The following IKZF4 variants were observed in gnomAD, a reference collection of about 807,000 sequenced individuals.
The protein encoded by IKZF4 is IKAROS family zinc finger 4.
Under a neutral mutation model 47.7 loss-of-function variants are expected in IKZF4, and 11 were observed. The ratio of observed to expected loss-of-function variants is 0.23; its 90% CI spans 0.15 to 0.38. The LOEUF (loss-of-function observed/expected upper bound fraction) is 0.38. Ranked by LOEUF, IKZF4 falls within the 10% of genes least tolerant of loss-of-function variation. The probability of loss-of-function intolerance (pLI) is 1.00; values close to 1 mark genes in which losing one functional copy is unlikely to be tolerated. For missense variants in IKZF4, 557 were observed against 784.9 expected, an observed-to-expected ratio of 0.71 and a Z score of 3.47; for synonymous variants, 298 against 299.4, an observed-to-expected ratio of 1.00 and a Z score of 0.05.
upstream of IKZF4, chr12:56,018,259 G>GGC (rs1423650869): frequency 5.8e-6 from 6 of 1,038,250 alleles, no homozygotes; most frequent in Admixed American, 7.0e-5. Context: ...CTTCAGCCTA[G>GGC]GCACACAGCC....
intron 5 of IKZF4, among the ~76,000 whole-genome samples, chr12:56,028,319 A>G (rs945664183): frequency 6.6e-6 from 1 of 151,448 alleles, no homozygotes; most frequent in Non-Finnish European, 1.5e-5. Context: ...AGGTCAGGAG[A>G]TCGAGACCAT....
Position 56,021,470 on chromosome 12 carries a change from C to G in IKZF4, c.-24C>G, listed in dbSNP as rs1892946430. The G allele has an allele frequency of 1.3e-6, 2 of 1,581,924 alleles. No individual in the cohort carries two copies. Among genetic ancestry groups the G allele is most frequent in the Non-Finnish European group, 1.7e-6 (2 of 1,165,532 alleles). ...TGGAAGGTGAGTGGCTGGGCTCACCCCTGCCTGCCACTGAGACGCAGACAT... is the reference window on the plus strand; with the variant it reads ...TGGAAGGTGAGTGGCTGGGCTCACCGCTGCCTGCCACTGAGACGCAGACAT... On this transcript the variant is annotated 5_prime_UTR_variant, in exon 1 of 8. Coordinates refer to ENST00000547167, the MANE Select transcript of IKZF4 (RefSeq NM_022465.4).
In IKZF4 at chr12:56,034,887, C is replaced by G. The variant is rs776395172; in HGVS notation, c.1314C>G (p.Pro438=). The G allele has an allele frequency of 5.0e-6, 8 of 1,608,026 alleles. No individual in the cohort carries two copies. The highest frequency in any genetic ancestry group is 1.1e-5 in the South Asian group (1 of 90,540). ...LADGGPLLYR[P]RGPLTDPGAS... is the part of the protein sequence containing the mutation. ...ATGGAGGTCCCCTCCTCTACCGGCC[C>G]CGAGGCCCCCTGACTGACCCTGGGG... Residue 438 remains proline (P), a synonymous_variant, in exon 8 of 8, where the codon CCC becomes CCG. Transcript: ENST00000547167.
upstream of IKZF4, chr12:56,020,985 C>T (rs994597852): frequency 1.9e-6 from 2 of 1,030,350 alleles, no homozygotes; most frequent in Non-Finnish European, 1.2e-6. Context: ...TTCCCTAGGG[C>T]CCCCCCTTTC....
At chr12:56,024,297 C>G (rs1043580301) in intron 2 of IKZF4, among the ~76,000 whole-genome samples, 1 of 152,134 alleles carries the variant, frequency 6.6e-6, no homozygotes, top group African/African-American at 2.4e-5. Flanking sequence ...CAAATTTTTG[C>G]TGAATTTAGA....
At chr12:56,019,679 T>A (rs1057335681), upstream of IKZF4, among the ~76,000 whole-genome samples, 8 of 152,178 alleles carry the variant, frequency 5.3e-5, no homozygotes, top group African/African-American at 1.9e-4. Context: ...TGGGGAACAC[T>A]CAGATGGATA....
At chr12:56,032,734 G>A (rs762150114) in intron 6 of IKZF4, 24 bp downstream of exon 6, 1 of 1,613,626 alleles carries the variant, frequency 6.2e-7, no homozygotes, top group East Asian at 2.2e-5. Context: ...TGTACTACTG[G>A]GGAGTTAAAA....
chr12:56,025,925 T>A (rs1332637640), intron 3 of IKZF4, among the ~76,000 whole-genome samples: 1 of 152,048 alleles, frequency 6.6e-6, no homozygotes, highest in Non-Finnish European at 1.5e-5. Flanking sequence ...ACAGAAGACA[T>A]CCTATGTACC....
intron 7 of IKZF4, among the ~76,000 whole-genome samples, chr12:56,034,025 G>A (rs1593002016): frequency 6.6e-6 from 1 of 152,016 alleles, no homozygotes; most frequent in African/African-American, 2.4e-5. Flanking sequence ...TCAGCCTCCC[G>A]AGTAGCTGGG....
chr12:56,027,925 T>C lies in IKZF4; in HGVS notation c.693T>C (p.Thr231=), dbSNP rs1436047661. 10 of 1,578,688 alleles carry C rather than the reference T, an allele frequency of 6.3e-6. No individual in the cohort carries two copies. Among genetic ancestry groups the C allele is most frequent in the Non-Finnish European group, 8.6e-6 (10 of 1,162,472 alleles). The change falls in exon 5 of 8, where the codon ACT becomes ACC. Residue 231 remains threonine (T), a synonymous_variant. Coordinates refer to ENST00000547167, the MANE Select transcript of IKZF4 (RefSeq NM_022465.4). Reference sequence around the variant, plus strand: ...CCTGCCGCCGGCGTGATGCACTCACTGGTCACCTCCGCACACACTCAGGTC... The same window carrying C: ...CCTGCCGCCGGCGTGATGCACTCACCGGTCACCTCCGCACACACTCAGGTC... ...NYACRRRDAL[T]GHLRTHSVSS... is the part of the protein sequence containing the mutation.
At chr12:56,028,828 A>G (rs1894479977) in intron 5 of IKZF4, among the ~76,000 whole-genome samples, 1 of 149,306 alleles carries the variant, frequency 6.7e-6, no homozygotes, top group Non-Finnish European at 1.5e-5. Flanking sequence ...GGCCCACCTC[A>G]GCCTCCTGAA....
At chr12:56,015,376 C>G (rs1891897095) in intron 2 of IKZF4, among the ~76,000 whole-genome samples, 1 of 152,018 alleles carries the variant, frequency 6.6e-6, no homozygotes, top group Admixed American at 6.6e-5. Context: ...CGCCCGGCTT[C>G]AAGTGGCACT....
upstream of IKZF4, among the ~76,000 whole-genome samples, chr12:56,019,139 G>A (rs1297547677): frequency 6.6e-6 from 1 of 152,126 alleles, no homozygotes; most frequent in Non-Finnish European, 1.5e-5. Flanking sequence ...CCCAGGAGGC[G>A]GAGGTTGCAG....
chr12:56,026,689 CAAAAAAAAA>C, intron 3 of IKZF4, 83 bp from the exon 4 acceptor site: 1 of 932,228 alleles, frequency 1.1e-6, no homozygotes, highest in Non-Finnish European at 1.4e-6. Flanking sequence ...AATTCCATCT[CAAAAAAAAA>C]AAAAAAAAAA....
At position 56,038,178 on chromosome 12, in the gene IKZF4, T is replaced by C. The variant is rs1030691018; in HGVS notation, c.*2847T>C. Reference sequence around the variant, plus strand: ...TCCCTCTCTCCTAGGGTTTCCTTTGTAGCCTATGTTTGGTGTCTCTTTTGA... The same window carrying C: ...TCCCTCTCTCCTAGGGTTTCCTTTGCAGCCTATGTTTGGTGTCTCTTTTGA... On this transcript the variant is annotated 3_prime_UTR_variant, in exon 8 of 8. Transcript: ENST00000547167. 3 of 152,400 alleles carry C rather than the reference T, an allele frequency of 2.0e-5. No individual in the cohort carries two copies. Among genetic ancestry groups the C allele is most frequent in the Admixed American group, 6.6e-5 (1 of 15,252 alleles). The allele number at this position is 152,400 out of a possible 1,614,324, so 9.4% of individuals were successfully genotyped here.
At chr12:56,017,518 T>G (rs188570431), upstream of IKZF4, among the ~76,000 whole-genome samples, 1 of 152,078 alleles carries the variant, frequency 6.6e-6, no homozygotes, top group Admixed American at 6.6e-5. Flanking sequence ...CTTTGCCTCC[T>G]CAGGGCTGAG....
intron 7 of IKZF4, among the ~76,000 whole-genome samples, 156 bp from the exon 8 acceptor site, chr12:56,034,415 G>T (rs1216457021): frequency 6.6e-6 from 1 of 152,148 alleles, no homozygotes; most frequent in Non-Finnish European, 1.5e-5. Context: ...CTAGAGTCAG[G>T]GAGCAGTCCC....
intron 5 of IKZF4, among the ~76,000 whole-genome samples, chr12:56,028,648 T>C (rs1190820137): frequency 6.6e-6 from 1 of 151,562 alleles, no homozygotes; most frequent in African/African-American, 2.4e-5. Flanking sequence ...AGTGGTGCAA[T>C]TTTGGCTCCC....
chr12:56,026,651 T>C, intron 3 of IKZF4, 130 bp from the exon 4 acceptor site: 1 of 994,030 alleles, frequency 1.0e-6, no homozygotes, highest in South Asian at 2.1e-5. Context: ...TTCGTGCCAC[T>C]GCACTCCAGC....
Sources: allele counts gnomAD v4.1 joint callset (sites outside exome capture counted in the v4.1 genomes callset), GRCh38; gene constraint gnomAD v4.1.1; transcripts MANE v1.5; gene names NCBI Gene and HGNC (gene_info 2026-07-23, HGNC 2026-07-21).